The following SGCZ variants were observed in gnomAD, a reference collection of about 807,000 sequenced individuals.
SGCZ encodes the protein zeta-sarcoglycan.
SGCZ carries 40 observed loss-of-function variants against 41.3 expected under a neutral mutation model. That is an observed-to-expected ratio of 0.97 (90% CI 0.75 to 1.26). SGCZ has a LOEUF of 1.26. Among genes scored for constraint, SGCZ ranks in the 50% most tolerant of loss-of-function variants. The probability of loss-of-function intolerance (pLI) is 0.00; values close to 1 mark genes in which losing one functional copy is unlikely to be tolerated. For synonymous variants in SGCZ, 206 were observed against 137.5 expected, an observed-to-expected ratio of 1.50 and a Z score of -3.49; for missense variants, 552 against 369.8, an observed-to-expected ratio of 1.49 and a Z score of -4.04.
chr8:14,902,784 T>C (rs1037462470), intron 1 of SGCZ, among the ~76,000 whole-genome samples: 1 of 152,158 alleles, frequency 6.6e-6, no homozygotes, highest in African/African-American at 2.4e-5. Context: ...GGGAGGTCAG[T>C]TACCTTAATC....
At chr8:14,644,510 T>C (rs1478576343) in intron 1 of SGCZ, among the ~76,000 whole-genome samples, 1 of 151,830 alleles carries the variant, frequency 6.6e-6, no homozygotes, top group Non-Finnish European at 1.5e-5. Flanking sequence ...TTTTAAAAAA[T>C]TTATCTTTGT....
chr8:14,443,422 T>C (rs1250948412), intron 2 of SGCZ, among the ~76,000 whole-genome samples: 2 of 152,116 alleles, frequency 1.3e-5, no homozygotes, highest in Non-Finnish European at 2.9e-5. Flanking sequence ...ACTACAAGGC[T>C]ACAGTAACCA....
chr8:15,206,232 G>T lies in SGCZ; in HGVS notation c.39+31353C>A, dbSNP rs1801058142. On this transcript the variant is annotated intron_variant, in intron 1 of 7. Coordinates refer to ENST00000382080, the MANE Select transcript of SGCZ (RefSeq NM_139167.4). ...TTTATGGAAACAAAAACTACTTAGG[G>T]CCACGGTAGTCAGGGAAGGCTTTGC... 3.3e-5 allele frequency among the ~76,000 whole-genome samples: 5 copies of T among 152,140 alleles called. 2 individuals are homozygous for T. The South Asian group carries it at 1.0e-3, about 32-fold the overall frequency.
At chr8:15,012,653 A>ATATATAC (rs1293132635) in intron 1 of SGCZ, among the ~76,000 whole-genome samples, 1 of 139,492 alleles carries the variant, frequency 7.2e-6, no homozygotes, top group African/African-American at 2.6e-5. Context: ...ACTATATATA[A>ATATATAC]TATATAATAT....
intron 1 of SGCZ, among the ~76,000 whole-genome samples, chr8:15,010,692 A>C (rs1802794561): frequency 6.6e-6 from 1 of 152,162 alleles, no homozygotes; most frequent in Non-Finnish European, 1.5e-5. Flanking sequence ...AGAAAGTCAG[A>C]ACTAATGTGA....
chr8:14,353,942 T>C (rs915713123), intron 2 of SGCZ, among the ~76,000 whole-genome samples: 1 of 152,086 alleles, frequency 6.6e-6, no homozygotes, highest in Non-Finnish European at 1.5e-5. Context: ...CAGAAATAAT[T>C]TGGAGAAGTC....
intron 4 of SGCZ, among the ~76,000 whole-genome samples, chr8:14,202,947 G>A (rs1000588969): frequency 2.6e-5 from 4 of 152,096 alleles, no homozygotes; most frequent in East Asian, 1.9e-4. Context: ...TTATGGGGGC[G>A]GGTCTTTCCT....
At chr8:14,870,916 T>G (rs1394312132) in intron 1 of SGCZ, among the ~76,000 whole-genome samples, 1 of 152,032 alleles carries the variant, frequency 6.6e-6, no homozygotes, top group African/African-American at 2.4e-5. Flanking sequence ...CATTAAAAAG[T>G]CAGGAAACAG....
intron 1 of SGCZ, among the ~76,000 whole-genome samples, chr8:14,874,411 A>C (rs573182202): frequency 2.0e-5 from 3 of 152,198 alleles, no homozygotes; most frequent in African/African-American, 7.2e-5. Flanking sequence ...GATTATTTTT[A>C]ATTTTAACTT....
At chr8:14,912,738 A>G (rs556067332) in intron 1 of SGCZ, among the ~76,000 whole-genome samples, 1 of 152,224 alleles carries the variant, frequency 6.6e-6, no homozygotes, top group African/African-American at 2.4e-5. Flanking sequence ...AATTTGATGC[A>G]CCACTCTTTT....
At chr8:14,619,866 C>T (rs1053480728) in intron 1 of SGCZ, among the ~76,000 whole-genome samples, 1 of 152,078 alleles carries the variant, frequency 6.6e-6, no homozygotes, top group African/African-American at 2.4e-5. Context: ...CCATACTGCC[C>T]AAGGTAATTT....
intron 2 of SGCZ, among the ~76,000 whole-genome samples, chr8:14,461,706 C>T (rs777968510): frequency 2.0e-5 from 3 of 152,068 alleles, no homozygotes; most frequent in African/African-American, 4.8e-5. Context: ...AGATATTCAA[C>T]GCAAAGTCCT....
chr8:14,492,521 G>T (rs1311337370), intron 2 of SGCZ, among the ~76,000 whole-genome samples: 2 of 151,986 alleles, frequency 1.3e-5, no homozygotes, highest in African/African-American at 4.8e-5. Flanking sequence ...TCTAAATAAG[G>T]CCCAATTATT....
intron 1 of SGCZ, among the ~76,000 whole-genome samples, chr8:15,229,170 C>A (rs1214844514): frequency 1.3e-5 from 2 of 151,748 alleles, no homozygotes; most frequent in East Asian, 3.9e-4. Context: ...CCAGCCTGGA[C>A]AACAGAGCAA....
At chr8:14,152,251 GAATTC>G (rs1803732728) in intron 5 of SGCZ, among the ~76,000 whole-genome samples, 1 of 151,948 alleles carries the variant, frequency 6.6e-6, no homozygotes, top group Admixed American at 6.6e-5. Flanking sequence ...AACTCACAAA[GAATTC>G]AATTAGCAAA....
chr8:14,431,360 G>A (rs73188350), intron 2 of SGCZ, among the ~76,000 whole-genome samples: 30,785 of 152,156 alleles, frequency 0.2, 3,700 homozygotes, highest in Non-Finnish European at 0.28. Context: ...CAAAGGAACA[G>A]AATGGAGAAC....
chr8:15,203,313 C>T (rs75237456), intron 1 of SGCZ, among the ~76,000 whole-genome samples: 9,087 of 152,100 alleles, frequency 0.06, 313 homozygotes, highest in African/African-American at 0.078. Flanking sequence ...ATCTCTATTT[C>T]TCCTGGGATA....
intron 5 of SGCZ, among the ~76,000 whole-genome samples, chr8:14,115,361 A>AT (rs1329106247): frequency 2.6e-5 from 4 of 151,994 alleles, no homozygotes; most frequent in Non-Finnish European, 5.9e-5. Flanking sequence ...AAACATTATA[A>AT]TTTTAACGAG....
At chr8:14,706,955 A>T (rs1339495637) in intron 1 of SGCZ, among the ~76,000 whole-genome samples, 1 of 151,644 alleles carries the variant, frequency 6.6e-6, no homozygotes, top group African/African-American at 2.4e-5. Context: ...TTAATTACAA[A>T]ACTTTATGTT....
Sources: allele counts gnomAD v4.1 joint callset (sites outside exome capture counted in the v4.1 genomes callset), GRCh38; gene constraint gnomAD v4.1.1; transcripts MANE v1.5; gene names NCBI Gene and HGNC (gene_info 2026-07-23, HGNC 2026-07-21).